GAREM1: variants seen among roughly 807,000 people sequenced by gnomAD.
GAREM1 encodes GRB2-associated and regulator of MAPK protein 1.
Under a neutral mutation model 71.3 loss-of-function variants are expected in GAREM1, and 26 were observed. The observed-to-expected ratio is 0.36, with a 90% CI of 0.27 to 0.51. The LOEUF is 0.51. GAREM1 is among the 20% of genes least tolerant of loss of function. GAREM1 has a pLI of 0.95. For missense variants in GAREM1, 1,026 were observed against 1,103.1 expected (o/e 0.93, Z 0.99); for synonymous variants, 440 against 433.2 (o/e 1.02, Z -0.20).
At position 32,392,777 on chromosome 18, in the gene GAREM1, T is replaced by C. The variant is rs1163155322; in HGVS notation, c.262+118A>G. On this transcript the variant is annotated intron_variant, in intron 2 of 5. Coordinates refer to ENST00000269209, the MANE Select transcript of GAREM1 (RefSeq NM_001242409.2). ...TCACTGATCAATAACCACACACAAATGTTTGATTCTCTAAGTCATTCTACT... is the reference window on the plus strand; with the variant it reads ...TCACTGATCAATAACCACACACAAACGTTTGATTCTCTAAGTCATTCTACT... The C allele has an allele frequency of 7.4e-6, 8 of 1,080,188 alleles. No individual in the cohort carries two copies. The East Asian group carries it at 1.2e-4, about 17-fold the overall frequency. 66.9% of individuals were successfully genotyped at this position (1,080,188 alleles called of 1,614,324 possible).
At chr18:32,334,523 G>A (rs968846754) in intron 2 of GAREM1, among the ~76,000 whole-genome samples, 1 of 152,210 alleles carries the variant, frequency 6.6e-6, no homozygotes, top group African/African-American at 2.4e-5. Context: ...CAGATGCAGA[G>A]GGAGGCTCCG....
chr18:32,277,569 T>C (rs1398801994), intron 4 of GAREM1, among the ~76,000 whole-genome samples: 12 of 152,238 alleles, frequency 7.9e-5, no homozygotes, highest in Non-Finnish European at 5.9e-5. Context: ...CAAAGTCAAG[T>C]GCAACTCCAA....
chr18:32,392,884 A>G lies in GAREM1; in HGVS notation c.262+11T>C, dbSNP rs2048216053. 1 of 1,611,274 alleles carries G rather than the reference A, an allele frequency of 6.2e-7. No homozygotes were observed. Among genetic ancestry groups the G allele is most frequent in the Non-Finnish European group, 8.5e-7 (1 of 1,178,160 alleles). On this transcript the variant is annotated intron_variant, in intron 2 of 5. Coordinates refer to ENST00000269209, the MANE Select transcript of GAREM1 (RefSeq NM_001242409.2). ...CTCGCTGCCTCATCTTGGCCCTTGG[A>G]GGAGTCTTACCTGCATAATGTACCG... is the stretch of plus-strand genomic sequence containing the variant.
Position 32,383,103 on chromosome 18 carries a change from C to T in GAREM1, c.262+9792G>A, listed in dbSNP as rs576033306. Among the ~76,000 whole-genome samples, 229 of 152,306 alleles carry T rather than the reference C, an allele frequency of 1.5e-3. 1 individual carries two copies. The highest frequency in any genetic ancestry group is 5.4e-3 in the African/African-American group (224 of 41,556). On this transcript the variant is annotated intron_variant, in intron 2 of 5. Coordinates refer to ENST00000269209, the MANE Select transcript of GAREM1 (RefSeq NM_001242409.2). ...GTTTATTTTGCTTGTCTCACACTCA[C>T]GCATTGGCTTGACTCACTATTAGGG...
rs930433111 is a variant in GAREM1 at position 32,264,059 on chromosome 18, T to G, written c.*3812A>C. ...TTTTAAAACACCAAGTTTTAAAGAC[T>G]GAACAGTGTGATTTAACATGATGTA... is the stretch of plus-strand genomic sequence containing the variant. On this transcript the variant is annotated 3_prime_UTR_variant, in exon 6 of 6. Transcript: ENST00000269209. 5.9e-5 allele frequency: 9 copies of G among 152,202 alleles called. No homozygotes were observed. The highest frequency in any genetic ancestry group is 2.2e-4 in the African/African-American group (9 of 41,464). 9.4% of individuals were successfully genotyped at this position (152,202 alleles called of 1,614,324 possible). A position where few individuals can be genotyped will look rare whatever the true frequency, so the allele number is the denominator to read the frequency against.
intron 1 of GAREM1, among the ~76,000 whole-genome samples, chr18:32,409,769 G>A (rs2048399731): frequency 6.6e-6 from 1 of 152,060 alleles, no homozygotes; most frequent in Non-Finnish European, 1.5e-5. Context: ...TAAAAGATAA[G>A]ATTTCTACGC....
intron 4 of GAREM1, among the ~76,000 whole-genome samples, chr18:32,271,249 G>A (rs2041458652): frequency 6.6e-6 from 1 of 151,902 alleles, no homozygotes. Flanking sequence ...TTGGAGTGCA[G>A]CGGCACCATC....
chr18:32,468,660 C>T (rs747643033), intron 1 of GAREM1, among the ~76,000 whole-genome samples: 16 of 152,128 alleles, frequency 1.1e-4, no homozygotes, highest in Non-Finnish European at 1.9e-4. Flanking sequence ...AAAGTCATGT[C>T]GGAAAGTGAG....
At chr18:32,391,442 G>A (rs925519893) in intron 2 of GAREM1, among the ~76,000 whole-genome samples, 20 of 152,192 alleles carry the variant, frequency 1.3e-4, no homozygotes, top group African/African-American at 4.8e-4. Flanking sequence ...TGATTTGACA[G>A]AGCTTTTCAC....
chr18:32,413,680 A>G (rs1485426653), intron 1 of GAREM1, among the ~76,000 whole-genome samples: 2 of 152,168 alleles, frequency 1.3e-5, no homozygotes, highest in African/African-American at 4.8e-5. Context: ...GAAGTAAAAA[A>G]GTGTCTCTGT....
At chr18:32,410,442 G>A in intron 1 of GAREM1, among the ~76,000 whole-genome samples, 1 of 152,132 alleles carries the variant, frequency 6.6e-6, no homozygotes. Context: ...ATGAACTCCT[G>A]GGCTCAATGA....
At chr18:32,284,509 T>A (rs928800064) in intron 4 of GAREM1, among the ~76,000 whole-genome samples, 1 of 152,240 alleles carries the variant, frequency 6.6e-6, no homozygotes, top group East Asian at 1.9e-4. Context: ...GCTAGTTTCC[T>A]ACCTCTAGAC....
At chr18:32,347,722 A>C (rs1398653707) in intron 2 of GAREM1, among the ~76,000 whole-genome samples, 2 of 152,232 alleles carry the variant, frequency 1.3e-5, no homozygotes, top group Non-Finnish European at 2.9e-5. Flanking sequence ...TATTTTATAC[A>C]ATGCATAAAA....
chr18:32,358,269 T>C (rs2047825541), intron 2 of GAREM1, among the ~76,000 whole-genome samples: 1 of 151,922 alleles, frequency 6.6e-6, no homozygotes, highest in Non-Finnish European at 1.5e-5. Context: ...TGCCATGCAG[T>C]GACCAATGAG....
intron 2 of GAREM1, among the ~76,000 whole-genome samples, chr18:32,329,927 T>A (rs1399129181): frequency 6.6e-6 from 1 of 152,074 alleles, no homozygotes; most frequent in Non-Finnish European, 1.5e-5. Flanking sequence ...GTCGGGGGAA[T>A]GCATGAGGAC....
chr18:32,380,879 T>C (rs762840549), intron 2 of GAREM1, among the ~76,000 whole-genome samples: 5 of 152,052 alleles, frequency 3.3e-5, no homozygotes, highest in African/African-American at 4.8e-5. Flanking sequence ...AATTCCTTAA[T>C]AGATGTTTTG....
intron 1 of GAREM1, among the ~76,000 whole-genome samples, chr18:32,443,224 T>C (rs1250155416): frequency 6.6e-6 from 1 of 152,164 alleles, no homozygotes. Context: ...CTTTGTGACC[T>C]TGGATTTGGC....
At chr18:32,443,288 A>G (rs953033058) in intron 1 of GAREM1, among the ~76,000 whole-genome samples, 2 of 152,184 alleles carry the variant, frequency 1.3e-5, no homozygotes, top group Admixed American at 6.6e-5. Flanking sequence ...AGAAAACTAA[A>G]TTAGACTTCT....
At chr18:32,271,383 G>A (rs1185945885) in intron 4 of GAREM1, among the ~76,000 whole-genome samples, 1 of 152,034 alleles carries the variant, frequency 6.6e-6, no homozygotes, top group Non-Finnish European at 1.5e-5. Context: ...AGTAGAGTCG[G>A]GGTTTGACGA....
Sources: allele counts gnomAD v4.1 joint callset (sites outside exome capture counted in the v4.1 genomes callset), GRCh38; gene constraint gnomAD v4.1.1; transcripts MANE v1.5; gene names NCBI Gene and HGNC (gene_info 2026-07-23, HGNC 2026-07-21).